C1QTNF3: variants seen among roughly 807,000 people sequenced by gnomAD.
The protein encoded by C1QTNF3 is complement C1q tumor necrosis factor-related protein 3.
Under a neutral mutation model 32.6 loss-of-function variants are expected in C1QTNF3, and 26 were observed. The ratio of observed to expected loss-of-function variants is 0.80; its 90% CI spans 0.58 to 1.11. C1QTNF3 has a LOEUF of 1.11. Ranked by LOEUF, C1QTNF3 falls within the 50% of genes least tolerant of loss-of-function variation. The pLI is 0.00. For synonymous variants in C1QTNF3, 155 were observed against 146.0 expected (o/e 1.06, Z -0.44); for missense variants, 362 against 398.2 (o/e 0.91, Z 0.77).
chr5:34,088,780 G>A, the C1QTNF3 span, among the ~76,000 whole-genome samples: 1 of 152,280 alleles, frequency 6.6e-6, no homozygotes, highest in East Asian at 1.9e-4. Flanking sequence ...CTACAGTGCT[G>A]AGATGACTTG....
Position 34,019,724 on chromosome 5 carries a change from A to G in C1QTNF3, c.*859T>C, listed in dbSNP as rs1236058342. 3 of 152,210 alleles carry G rather than the reference A, an allele frequency of 2.0e-5. No individual in the cohort carries two copies. 9.4% of individuals were successfully genotyped at this position (152,210 alleles called of 1,614,324 possible). On this transcript the variant is annotated 3_prime_UTR_variant, in exon 6 of 6. Coordinates refer to ENST00000382065, the MANE Select transcript of C1QTNF3 (RefSeq NM_181435.6). ...CTTTAACAAAGGTGTGTTTATTTCC[A>G]TATATTGCTCATTACATTTTTCTTG...
intron 1 of C1QTNF3, 100 bp from the exon 2 acceptor site, chr5:34,035,858 C>T (rs373062166): frequency 2.4e-6 from 2 of 820,966 alleles, no homozygotes; most frequent in Non-Finnish European, 3.9e-6. Flanking sequence ...AGCTTAATTC[C>T]AATCGAATCA....
At chr5:34,101,386 C>G in the C1QTNF3 span, among the ~76,000 whole-genome samples, 1 of 152,054 alleles carries the variant, frequency 6.6e-6, no homozygotes, top group African/African-American at 2.4e-5. Context: ...ATAATCTTTT[C>G]AGAAGCCTCA....
chr5:34,074,965 A>T, the C1QTNF3 span, among the ~76,000 whole-genome samples: 4 of 151,820 alleles, frequency 2.6e-5, no homozygotes, highest in Non-Finnish European at 5.9e-5. Flanking sequence ...TTTCTAAAAT[A>T]GACTTATTAT....
the C1QTNF3 span, among the ~76,000 whole-genome samples, chr5:34,121,092 C>T: frequency 9.2e-5 from 14 of 152,130 alleles, no homozygotes; most frequent in Admixed American, 9.2e-4. Flanking sequence ...TGATAAATGT[C>T]ACTGCTTTAG....
At chr5:34,177,480 CTT>C in the C1QTNF3 span, among the ~76,000 whole-genome samples, 5 of 84,656 alleles carry the variant, frequency 5.9e-5, no homozygotes, top group Non-Finnish European at 8.6e-5. Context: ...CCATACCCAA[CTT>C]TTTTTTTTTT....
At chr5:34,158,247 C>G in the C1QTNF3 span, 2 of 152,236 alleles carry the variant, frequency 1.3e-5, no homozygotes, top group African/African-American at 4.8e-5. Flanking sequence ...GCTGGGATTA[C>G]AGGTGCATGC....
the C1QTNF3 span, among the ~76,000 whole-genome samples, chr5:34,132,432 T>C: frequency 6.2e-5 from 2 of 32,472 alleles, no homozygotes; most frequent in Admixed American, 5.8e-4. Flanking sequence ...TGTGTATGTG[T>C]ATGTATATAT....
chr5:34,044,418 G>A (rs528258200), upstream of C1QTNF3, among the ~76,000 whole-genome samples: 20 of 152,276 alleles, frequency 1.3e-4, no homozygotes, highest in African/African-American at 3.9e-4. Flanking sequence ...AGAAGGGGGC[G>A]AGGAGGCACT....
At chr5:34,228,045 C>T in the C1QTNF3 span, among the ~76,000 whole-genome samples, 2 of 150,710 alleles carry the variant, frequency 1.3e-5, no homozygotes, top group African/African-American at 2.4e-5. Flanking sequence ...ACCATTTTAC[C>T]GGAATTTTTA....
chr5:34,137,983 C>T, the C1QTNF3 span, among the ~76,000 whole-genome samples: 2 of 152,248 alleles, frequency 1.3e-5, no homozygotes, highest in East Asian at 3.9e-4. Context: ...GAGTTCTAAT[C>T]CAATATATCT....
chr5:34,139,520 A>G, the C1QTNF3 span, among the ~76,000 whole-genome samples: 1 of 152,150 alleles, frequency 6.6e-6, no homozygotes, highest in Non-Finnish European at 1.5e-5. Context: ...GAAAAATACA[A>G]TCAATTCAAC....
chr5:34,157,474 CA>C, the C1QTNF3 span, among the ~76,000 whole-genome samples: 3 of 152,126 alleles, frequency 2.0e-5, no homozygotes, highest in Non-Finnish European at 4.4e-5. Flanking sequence ...TTGTTGTCCC[CA>C]AAATATGTGA....
chr5:34,169,193 T>C, the C1QTNF3 span: 96 of 152,298 alleles, frequency 6.3e-4, no homozygotes, highest in African/African-American at 2.2e-3. Context: ...AATGACCAGG[T>C]AGTAAATATT....
At chr5:34,091,412 C>A in the C1QTNF3 span, among the ~76,000 whole-genome samples, 2 of 152,214 alleles carry the variant, frequency 1.3e-5, no homozygotes, top group Admixed American at 6.5e-5. Flanking sequence ...CCTGGACCAC[C>A]ACCACTACTA....
At chr5:34,129,235 C>T in the C1QTNF3 span, among the ~76,000 whole-genome samples, 51 of 152,240 alleles carry the variant, frequency 3.3e-4, no homozygotes, top group Middle Eastern at 6.8e-3. Context: ...AATTAAACCT[C>T]TTTTCTTTAC....
At chr5:34,168,481 GAAGGAGGA>G in the C1QTNF3 span, 1 of 151,544 alleles carries the variant, frequency 6.6e-6, no homozygotes, top group Admixed American at 6.6e-5. Context: ...TAAACCTTAT[GAAGGAGGA>G]AAGAAAATAA....
chr5:34,213,122 CATAA>C, the C1QTNF3 span, among the ~76,000 whole-genome samples: 2 of 152,122 alleles, frequency 1.3e-5, no homozygotes, highest in Admixed American at 6.5e-5. Flanking sequence ...TGGATGAATG[CATAA>C]ATAATGAATG....
chr5:34,121,763 TC>T, the C1QTNF3 span, among the ~76,000 whole-genome samples: 1 of 152,256 alleles, frequency 6.6e-6, no homozygotes, highest in Non-Finnish European at 1.5e-5. Flanking sequence ...GAAACTCTAA[TC>T]CCCAAAATGA....
Sources: allele counts gnomAD v4.1 joint callset (sites outside exome capture counted in the v4.1 genomes callset), GRCh38; gene constraint gnomAD v4.1.1; transcripts MANE v1.5; gene names NCBI Gene and HGNC (gene_info 2026-07-23, HGNC 2026-07-21).